The following PDPR variants were observed in gnomAD, a reference collection of about 807,000 sequenced individuals.
PDPR encodes pyruvate dehydrogenase phosphatase regulatory subunit, mitochondrial.
A neutral mutation model predicts 102.2 loss-of-function variants in PDPR; 50 were observed. The observed-to-expected ratio is 0.49, with a 90% CI of 0.39 to 0.62. The LOEUF (loss-of-function observed/expected upper bound fraction) is 0.62, where lower values mean the gene tolerates loss of function less well. PDPR is among the 20% of genes least tolerant of loss of function. The pLI, the probability that PDPR is intolerant of heterozygous loss-of-function variation, is 0.00. For missense variants in PDPR, 625 were observed against 1,098.2 expected (o/e 0.57, Z 6.09); for synonymous variants, 259 against 406.0 (o/e 0.64, Z 4.35).
At chr16:70,129,458 C>A (rs1964319795) in intron 6 of PDPR, among the ~76,000 whole-genome samples, 1 of 152,286 alleles carries the variant, frequency 6.6e-6, no homozygotes, top group Non-Finnish European at 1.5e-5. Context: ...GATCCTCCTG[C>A]TTCAGCCTCC....
At chr16:70,123,784 C>T (rs563274727) in intron 3 of PDPR, among the ~76,000 whole-genome samples, 7 of 152,364 alleles carry the variant, frequency 4.6e-5, no homozygotes, top group Admixed American at 1.3e-4. Context: ...CAGGCACGAT[C>T]GCTCACACCT....
Position 70,157,195 on chromosome 16 carries a change from C to G in PDPR, c.*316C>G, listed in dbSNP as rs544610825. The G allele has an allele frequency of 5.1e-6, 3 of 590,738 alleles. No homozygotes were observed. The East Asian group carries it at 1.3e-4, about 25-fold the overall frequency. 36.6% of individuals were successfully genotyped at this position (590,738 alleles called of 1,614,324 possible). ...CCACTGTGGACATGAGTGATGGTGA[C>G]AGCTGCTTTCAAATTCTGCATCTCA... is the stretch of plus-strand genomic sequence containing the variant. On this transcript the variant is annotated 3_prime_UTR_variant, in exon 19 of 19. Transcript: ENST00000288050.
In PDPR at chr16:70,137,448, A is replaced by G. The variant is rs185248090; in HGVS notation, c.1190+1062A>G. ...ACAAATACCGTGTGGTTCCACTTAT[A>G]TGAAGTTGCTAGAGTTGTCACATCA... On this transcript the variant is annotated intron_variant, in intron 10 of 18. Coordinates refer to ENST00000288050, the MANE Select transcript of PDPR (RefSeq NM_017990.5). 1.2e-4 allele frequency among the ~76,000 whole-genome samples: 19 copies of G among 152,406 alleles called. No individual in the cohort carries two copies. The East Asian group carries it at 3.7e-3, about 29-fold the overall frequency.
At chr16:70,130,625 T>C in intron 7 of PDPR, 81 bp downstream of exon 7, 2 of 1,554,878 alleles carry the variant, frequency 1.3e-6, no homozygotes, top group South Asian at 2.3e-5. Context: ...AGATTAGTAT[T>C]GTGATTGGTT....
intron 17 of PDPR, among the ~76,000 whole-genome samples, chr16:70,152,480 T>C (rs1489712508): frequency 6.6e-6 from 1 of 152,280 alleles, no homozygotes; most frequent in Non-Finnish European, 1.5e-5. Context: ...ATCGCGCCAC[T>C]TCACTCTAGC....
intron 3 of PDPR, among the ~76,000 whole-genome samples, chr16:70,123,648 T>C (rs1963593429): frequency 6.6e-6 from 1 of 152,296 alleles, no homozygotes; most frequent in Non-Finnish European, 1.5e-5. Flanking sequence ...GTGTAAATGT[T>C]TCTAAGTGGG....
At chr16:70,126,189 T>C (rs902759122) in intron 3 of PDPR, among the ~76,000 whole-genome samples, 1 of 152,256 alleles carries the variant, frequency 6.6e-6, no homozygotes, top group African/African-American at 2.4e-5. Flanking sequence ...CTGCATAATA[T>C]TCCATTGTAT....
At chr16:70,124,929 G>C (rs530179503) in intron 3 of PDPR, among the ~76,000 whole-genome samples, 81 of 152,210 alleles carry the variant, frequency 5.3e-4, no homozygotes, top group African/African-American at 1.6e-3. Flanking sequence ...CTGCTTTCTT[G>C]ACATATGGGT....
intron 16 of PDPR, among the ~76,000 whole-genome samples, chr16:70,147,123 A>T (rs560885853): frequency 1.7e-5 from 2 of 115,302 alleles, no homozygotes; most frequent in African/African-American, 6.8e-5. Flanking sequence ...TTTAGTAGAG[A>T]CAGGGTTTCA....
rs540798401 is a variant in PDPR, at chr16:70,143,208, AAAAC to A, written c.1606-298_1606-295del. ...ATCTCAAAAAAAAAAACAAAAAACAAAAACAAAACACTGATTTCTTAAGAATTCT... is the reference window on the plus strand; with the variant it reads ...ATCTCAAAAAAAAAAACAAAAAACAAAAAACACTGATTTCTTAAGAATTCT... On this transcript the variant is annotated intron_variant, in intron 13 of 18. Coordinates refer to ENST00000288050, the MANE Select transcript of PDPR (RefSeq NM_017990.5). Among the ~76,000 whole-genome samples the A allele has an allele frequency of 3.1e-3, 466 of 152,246 alleles. 1 individual carries two copies. Among genetic ancestry groups the A allele is most frequent in the African/African-American group, 0.011 (437 of 41,482 alleles).
chr16:70,121,910 A>G (rs528845924), intron 3 of PDPR, among the ~76,000 whole-genome samples: 1 of 152,316 alleles, frequency 6.6e-6, no homozygotes, highest in South Asian at 2.1e-4. Flanking sequence ...GACTACTGAC[A>G]TGCACCACCA....
At chr16:70,119,219 G>A (rs981644783) in intron 2 of PDPR, among the ~76,000 whole-genome samples, 1 of 151,938 alleles carries the variant, frequency 6.6e-6, no homozygotes, top group Non-Finnish European at 1.5e-5. Context: ...TCAACACTTT[G>A]GGAGACCAAG....
chr16:70,140,685 C>T (rs1403526528), intron 11 of PDPR, among the ~76,000 whole-genome samples: 20 of 152,290 alleles, frequency 1.3e-4, no homozygotes, highest in Admixed American at 2.0e-4. Flanking sequence ...TGTGGTGGTA[C>T]GTGCCTGTGA....
intron 9 of PDPR, among the ~76,000 whole-genome samples, chr16:70,132,631 A>G (rs1268227343): frequency 6.7e-6 from 1 of 150,084 alleles, no homozygotes; most frequent in Non-Finnish European, 1.5e-5. Flanking sequence ...GCAGCCCCGA[A>G]CTCCTGGTCT....
At chr16:70,127,709 A>G (rs1227079652) in intron 4 of PDPR, among the ~76,000 whole-genome samples, 2 of 152,290 alleles carry the variant, frequency 1.3e-5, no homozygotes, top group African/African-American at 2.4e-5. Flanking sequence ...CTTTCTTCAT[A>G]AGAATTAAGA....
intron 2 of PDPR, chr16:70,120,238 G>C: frequency 2.4e-6 from 1 of 410,368 alleles, no homozygotes; most frequent in Non-Finnish European, 4.6e-6. Flanking sequence ...TTTTAGTAGA[G>C]ACGGGGTTTC....
intron 17 of PDPR, among the ~76,000 whole-genome samples, chr16:70,150,817 A>G (rs1001908947): frequency 1.3e-5 from 2 of 152,106 alleles, no homozygotes; most frequent in Non-Finnish European, 2.9e-5. Flanking sequence ...GACCTTATTT[A>G]TTACTATTTT....
intron 9 of PDPR, among the ~76,000 whole-genome samples, chr16:70,134,796 A>AG (rs1405468233): frequency 6.7e-6 from 1 of 149,714 alleles, no homozygotes; most frequent in Non-Finnish European, 1.5e-5. Flanking sequence ...AAAAAAAAAA[A>AG]AAATAATAAT....
chr16:70,137,302 G>A (rs533283999), intron 10 of PDPR, among the ~76,000 whole-genome samples: 1 of 152,340 alleles, frequency 6.6e-6, no homozygotes, highest in South Asian at 2.1e-4. Flanking sequence ...CTTGCAGTGA[G>A]CCGAGATTGC....
Sources: allele counts gnomAD v4.1 joint callset (sites outside exome capture counted in the v4.1 genomes callset), GRCh38; gene constraint gnomAD v4.1.1; transcripts MANE v1.5; gene names NCBI Gene and HGNC (gene_info 2026-07-23, HGNC 2026-07-21).